Variants in XKR6 observed in about 807,000 individuals in gnomAD.
The protein encoded by XKR6 is XK-related protein 6.
In XKR6, 22 loss-of-function variants were observed where a neutral mutation model predicts 56.7. That is an observed-to-expected ratio of 0.39 (90% confidence interval 0.28 to 0.55). The LOEUF is 0.55. XKR6 is among the 20% of genes least tolerant of loss of function. The pLI, the probability that XKR6 is intolerant of heterozygous loss-of-function variation, is 0.66. For missense variants in XKR6, 852 were observed against 889.0 expected (o/e 0.96, Z 0.53); for synonymous variants, 524 against 387.8 (o/e 1.35, Z -4.13).
At chr8:11,052,404 C>T (rs1336791597) in intron 1 of XKR6, among the ~76,000 whole-genome samples, 1 of 152,178 alleles carries the variant, frequency 6.6e-6, no homozygotes. Flanking sequence ...TGGCCTTCCC[C>T]ACGAAAATGC....
chr8:10,961,018 C>A (rs1802044013), intron 1 of XKR6, among the ~76,000 whole-genome samples: 1 of 152,074 alleles, frequency 6.6e-6, no homozygotes, highest in African/African-American at 2.4e-5. Flanking sequence ...GAGGAGGAAC[C>A]AGCCAGGCAA....
intron 1 of XKR6, among the ~76,000 whole-genome samples, chr8:11,054,049 T>C (rs1253948087): frequency 1.3e-5 from 2 of 152,218 alleles, no homozygotes; most frequent in African/African-American, 4.8e-5. Flanking sequence ...GTGATAACAC[T>C]GTTTTGTGCG....
intron 1 of XKR6, among the ~76,000 whole-genome samples, chr8:10,974,832 T>A (rs1802505821): frequency 6.6e-6 from 1 of 152,168 alleles, no homozygotes; most frequent in African/African-American, 2.4e-5. Flanking sequence ...TGGCAGTTGG[T>A]GTTCAGCAGG....
intron 1 of XKR6, among the ~76,000 whole-genome samples, chr8:11,065,832 G>A (rs1799962681): frequency 6.6e-6 from 1 of 152,162 alleles, no homozygotes; most frequent in African/African-American, 2.4e-5. Context: ...CCTCAAATAG[G>A]CAGTGGCGTT....
intron 1 of XKR6, among the ~76,000 whole-genome samples, chr8:11,149,979 A>C (rs759244571): frequency 4.6e-4 from 70 of 152,238 alleles, no homozygotes; most frequent in Non-Finnish European, 1.6e-4. Flanking sequence ...CAGGCAAAGA[A>C]AGACAAATAT....
intron 1 of XKR6, among the ~76,000 whole-genome samples, chr8:11,010,842 C>T (rs779310617): frequency 3.3e-5 from 5 of 151,324 alleles, no homozygotes; most frequent in East Asian, 3.9e-4. Flanking sequence ...AGGCAAAGAA[C>T]GGAGCTCCCC....
intron 1 of XKR6, among the ~76,000 whole-genome samples, chr8:11,071,252 CT>C (rs559431208): frequency 6.6e-6 from 1 of 152,086 alleles, no homozygotes; most frequent in South Asian, 2.1e-4. Context: ...AAAAAAATTT[CT>C]TTTCAGATGA....
At chr8:10,947,845 G>T (rs1017238938) in intron 1 of XKR6, among the ~76,000 whole-genome samples, 1 of 152,176 alleles carries the variant, frequency 6.6e-6, no homozygotes, top group African/African-American at 2.4e-5. Flanking sequence ...GGGCTTTGGG[G>T]ATGTGATCAC....
intron 1 of XKR6, among the ~76,000 whole-genome samples, chr8:11,113,700 G>C (rs1022588682): frequency 6.6e-5 from 10 of 152,066 alleles, no homozygotes; most frequent in Non-Finnish European, 1.2e-4. Flanking sequence ...TAATGGCTCA[G>C]GTTTTTTCAT....
At chr8:11,076,466 C>T (rs911544414) in intron 1 of XKR6, among the ~76,000 whole-genome samples, 7 of 152,300 alleles carry the variant, frequency 4.6e-5, no homozygotes, top group South Asian at 2.1e-4. Context: ...ACCCCATCAG[C>T]AGAGGAGCAG....
At chr8:11,146,857 G>C (rs1432804245) in intron 1 of XKR6, among the ~76,000 whole-genome samples, 4 of 151,942 alleles carry the variant, frequency 2.6e-5, no homozygotes, top group Non-Finnish European at 4.4e-5. Context: ...TATGTTAAAT[G>C]AAACAAGCCA....
At chr8:11,083,246 G>C (rs1398478378) in intron 1 of XKR6, among the ~76,000 whole-genome samples, 1 of 152,196 alleles carries the variant, frequency 6.6e-6, no homozygotes, top group African/African-American at 2.4e-5. Flanking sequence ...GCACCACTTG[G>C]AGTTCAGTGA....
intron 1 of XKR6, among the ~76,000 whole-genome samples, chr8:11,151,391 AG>A (rs1419092209): frequency 6.6e-6 from 1 of 152,210 alleles, no homozygotes; most frequent in Non-Finnish European, 1.5e-5. Flanking sequence ...AAAGTTTTGT[AG>A]GACTGCAGAA....
intron 1 of XKR6, among the ~76,000 whole-genome samples, chr8:11,036,069 G>C (rs1799135948): frequency 6.8e-6 from 1 of 147,020 alleles, no homozygotes; most frequent in Non-Finnish European, 1.5e-5. Context: ...TCAGCCTCTT[G>C]AGTAACTGGG....
chr8:11,060,918 CTTATCCCCTA>C (rs1321817239), intron 1 of XKR6, among the ~76,000 whole-genome samples: 3 of 152,228 alleles, frequency 2.0e-5, no homozygotes, highest in Non-Finnish European at 4.4e-5. Flanking sequence ...GGTAAATATT[CTTATCCCCTA>C]TCCCCATTTT....
At chr8:11,192,707 A>T (rs911327414) in intron 1 of XKR6, among the ~76,000 whole-genome samples, 1 of 152,166 alleles carries the variant, frequency 6.6e-6, no homozygotes, top group African/African-American at 2.4e-5. Flanking sequence ...TCAATAATAA[A>T]AATTGAGCAA....
intron 1 of XKR6, among the ~76,000 whole-genome samples, chr8:10,932,357 T>A (rs1801075970): frequency 6.6e-6 from 1 of 152,164 alleles, no homozygotes; most frequent in African/African-American, 2.4e-5. Context: ...TTCTAGGTAT[T>A]CTAGAAATGA....
chr8:11,147,336 T>C (rs1801034122), intron 1 of XKR6, among the ~76,000 whole-genome samples: 1 of 152,098 alleles, frequency 6.6e-6, no homozygotes, highest in Non-Finnish European at 1.5e-5. Flanking sequence ...TCAAAACATG[T>C]GCATGAAATC....
At chr8:11,113,547 T>C (rs1280940075) in intron 1 of XKR6, among the ~76,000 whole-genome samples, 2 of 152,126 alleles carry the variant, frequency 1.3e-5, no homozygotes, top group Non-Finnish European at 2.9e-5. Flanking sequence ...CACACATACA[T>C]AAAACATTAC....
Sources: allele counts gnomAD v4.1 joint callset (sites outside exome capture counted in the v4.1 genomes callset), GRCh38; gene constraint gnomAD v4.1.1; transcripts MANE v1.5; gene names NCBI Gene and HGNC (gene_info 2026-07-23, HGNC 2026-07-21).